HTR7: variants seen among roughly 807,000 people sequenced by gnomAD.
HTR7 encodes the protein 5-HT-7.
A neutral mutation model predicts 34.0 loss-of-function variants in HTR7; 16 were observed. That is an observed-to-expected ratio of 0.47 (90% CI 0.32 to 0.71). The LOEUF is 0.71. Among genes scored for constraint, HTR7 ranks in the 30% least tolerant of loss-of-function variants. The pLI, the probability that HTR7 is intolerant of heterozygous loss-of-function variation, is 0.04. For missense variants in HTR7, 504 were observed against 625.5 expected (o/e 0.81, Z 2.07); for synonymous variants, 265 against 260.2 (o/e 1.02, Z -0.18).
intron 1 of HTR7, among the ~76,000 whole-genome samples, chr10:90,774,850 A>T (rs1845180398): frequency 6.6e-6 from 1 of 152,248 alleles, no homozygotes; most frequent in African/African-American, 2.4e-5. Flanking sequence ...TGGCCTTTTC[A>T]GCCCTCCACT....
chr10:90,744,461 T>C (rs915282546), intron 2 of HTR7, among the ~76,000 whole-genome samples: 15 of 151,756 alleles, frequency 9.9e-5, no homozygotes, highest in African/African-American at 3.6e-4. Context: ...GTCTTGACCA[T>C]TTTGATGACT....
intron 2 of HTR7, among the ~76,000 whole-genome samples, chr10:90,747,591 C>T (rs1178578240): frequency 6.6e-6 from 1 of 152,180 alleles, no homozygotes; most frequent in African/African-American, 2.4e-5. Context: ...CACTGGGATT[C>T]AGATGATGTG....
chr10:90,743,577 T>A lies in HTR7; in HGVS notation c.1393+16A>T, dbSNP rs905098893. On this transcript the variant is annotated intron_variant, in intron 3 of 3. Transcript: ENST00000336152. ...CACAGCACTATCTCCAAAGTCTCCC[T>A]TTCCTTGCTACCCACCTGCTAACCA... 2.5e-6 allele frequency: 4 copies of A among 1,600,224 alleles called. No homozygotes were observed. Among genetic ancestry groups the A allele is most frequent in the Non-Finnish European group, 3.4e-6 (4 of 1,167,528 alleles).
chr10:90,854,804 T>C (rs1199207003), intron 1 of HTR7, among the ~76,000 whole-genome samples: 4 of 152,206 alleles, frequency 2.6e-5, no homozygotes, highest in African/African-American at 9.6e-5. Flanking sequence ...AAGCCTGTAA[T>C]GAGCACAAAA....
intron 1 of HTR7, among the ~76,000 whole-genome samples, chr10:90,847,243 A>C (rs928788215): frequency 1.3e-5 from 2 of 152,066 alleles, no homozygotes; most frequent in Non-Finnish European, 2.9e-5. Flanking sequence ...GGATCAGTGG[A>C]GATTTCTGTA....
At chr10:90,822,121 G>A (rs1277660979) in intron 1 of HTR7, among the ~76,000 whole-genome samples, 1 of 152,162 alleles carries the variant, frequency 6.6e-6, no homozygotes, top group East Asian at 1.9e-4. Flanking sequence ...CTTTGGAACT[G>A]GGTAATAGGC....
In HTR7 at chr10:90,840,353, A is replaced by T. The variant is rs571478243; in HGVS notation, c.539+16780T>A. Among the ~76,000 whole-genome samples, 20 of 152,230 alleles carry T rather than the reference A, an allele frequency of 1.3e-4. No homozygotes were observed. In the South Asian group the frequency reaches 3.5e-3, roughly 27 times the overall value. On this transcript the variant is annotated intron_variant, in intron 1 of 3. Transcript: ENST00000336152. Reference sequence around the variant, plus strand: ...GGCAGGGAGTGACAGCAGCTTTCTCATCTGTAAAATGGGGATAATAAAAGT... The same window carrying T: ...GGCAGGGAGTGACAGCAGCTTTCTCTTCTGTAAAATGGGGATAATAAAAGT...
At chr10:90,832,460 G>A (rs1243673517) in intron 1 of HTR7, among the ~76,000 whole-genome samples, 7 of 152,188 alleles carry the variant, frequency 4.6e-5, no homozygotes, top group Non-Finnish European at 7.4e-5. Context: ...AGGGCCAGCC[G>A]GCTGCTCCGA....
chr10:90,800,002 AG>A (rs1845599961), intron 1 of HTR7, among the ~76,000 whole-genome samples: 1 of 152,264 alleles, frequency 6.6e-6, no homozygotes, highest in African/African-American at 2.4e-5. Flanking sequence ...CCAATTAAAA[AG>A]TGGAGGTAAA....
chr10:90,794,928 A>G (rs1265851801), intron 1 of HTR7, among the ~76,000 whole-genome samples: 3 of 152,254 alleles, frequency 2.0e-5, no homozygotes, highest in Admixed American at 2.0e-4. Context: ...AACATCAGAA[A>G]TCACTAGGAA....
intron 1 of HTR7, among the ~76,000 whole-genome samples, chr10:90,783,004 T>A (rs1043007352): frequency 6.6e-6 from 1 of 152,224 alleles, no homozygotes; most frequent in African/African-American, 2.4e-5. Context: ...ATAAGTTTTA[T>A]GATTTGGTGA....
chr10:90,779,741 AT>A (rs933094627), intron 1 of HTR7, among the ~76,000 whole-genome samples: 1 of 152,160 alleles, frequency 6.6e-6, no homozygotes, highest in African/African-American at 2.4e-5. Context: ...TTCTCCTCAC[AT>A]TGCATAACCT....
At chr10:90,761,657 TGTG>T (rs2119723644) in intron 1 of HTR7, among the ~76,000 whole-genome samples, 1 of 152,010 alleles carries the variant, frequency 6.6e-6, no homozygotes, top group East Asian at 1.9e-4. Flanking sequence ...TGTGTGTGTG[TGTG>T]TGTGGTGAGG....
intron 1 of HTR7, among the ~76,000 whole-genome samples, chr10:90,822,782 G>C (rs1846005548): frequency 6.6e-6 from 1 of 152,204 alleles, no homozygotes; most frequent in Non-Finnish European, 1.5e-5. Flanking sequence ...GGAACCTGCT[G>C]CTCTGTGCAG....
rs138510160 is a variant in HTR7, at chr10:90,749,295, C to T, written c.839G>A (p.Arg280Gln). The change falls in exon 2 of 4, where the codon CGA (arginine) becomes CAA (glutamine). Residue 280 changes from arginine (R) to glutamine (Q), a missense_variant. Coordinates refer to ENST00000336152, the MANE Select transcript of HTR7 (RefSeq NM_019859.4). This position sits in a 1 kb window ranked among gnomAD's most constrained non-coding sequence, Gnocchi z 4.2. Reference sequence around the variant, plus strand: ...GGCGATGACGCTGTCTGGCTCCACTCGAGGGAAGCCAGGAAACTTGTGTTT... The same window carrying T: ...GGCGATGACGCTGTCTGGCTCCACTTGAGGGAAGCCAGGAAACTTGTGTTT... ...AAKHKFPGFP[R>Q]VEPDSVIALN... 7.7e-5 allele frequency: 125 copies of T among 1,613,988 alleles called. No homozygotes were observed. The highest frequency in any genetic ancestry group is 1.2e-4 in the Admixed American group (7 of 59,988).
chr10:90,795,398 G>A (rs1229615859), intron 1 of HTR7, among the ~76,000 whole-genome samples: 1 of 152,102 alleles, frequency 6.6e-6, no homozygotes, highest in African/African-American at 2.4e-5. Context: ...CTTCTACCAT[G>A]TCCACCACCA....
intron 1 of HTR7, among the ~76,000 whole-genome samples, chr10:90,771,407 C>A (rs545635146): frequency 6.6e-6 from 1 of 152,230 alleles, no homozygotes; most frequent in African/African-American, 2.4e-5. Context: ...CCACTGCTCA[C>A]CAGGTTGCAG....
At chr10:90,743,520 T>C in intron 3 of HTR7, 73 bp downstream of exon 3, 1 of 1,206,990 alleles carries the variant, frequency 8.3e-7, no homozygotes, top group South Asian at 1.2e-5. Context: ...ACGGCTCTGC[T>C]CACATAGTTC....
chr10:90,819,416 C>T (rs1049898700), intron 1 of HTR7, among the ~76,000 whole-genome samples: 1 of 152,178 alleles, frequency 6.6e-6, no homozygotes, highest in Non-Finnish European at 1.5e-5. Flanking sequence ...TAAGCTGCCT[C>T]TTTAAACAGA....
Sources: gnomAD v4.1 joint callset for allele counts (sites outside exome capture counted in the v4.1 genomes callset) on GRCh38, gnomAD v4.1.1 for gene constraint, Gnocchi (gnomAD v3.1) non-coding constraint, MANE v1.5 for transcripts, NCBI Gene and HGNC (gene_info 2026-07-23, HGNC 2026-07-21) for gene names.